ATRNL1: variants seen among roughly 807,000 people sequenced by gnomAD.
ATRNL1 encodes attractin-like protein 1.
A neutral mutation model predicts 182.7 loss-of-function variants in ATRNL1; 95 were observed. The ratio of observed to expected loss-of-function variants is 0.52; its 90% CI spans 0.44 to 0.62. The LOEUF is 0.62. ATRNL1 is among the 20% of genes least tolerant of loss of function. ATRNL1 has a pLI of 0.00. For synonymous variants in ATRNL1, 576 were observed against 568.3 expected (o/e 1.01, Z -0.19); for missense variants, 1,471 against 1,679.5 (o/e 0.88, Z 2.17).
chr10:115,250,580 G>A (rs1050186326), intron 10 of ATRNL1, among the ~76,000 whole-genome samples: 9 of 152,170 alleles, frequency 5.9e-5, no homozygotes, highest in South Asian at 2.1e-4. Flanking sequence ...ATGGGCTGAA[G>A]CAGCATTCCT....
At chr10:115,482,702 T>C (rs1049164682) in intron 24 of ATRNL1, among the ~76,000 whole-genome samples, 22 of 151,206 alleles carry the variant, frequency 1.5e-4, no homozygotes, top group Non-Finnish European at 2.1e-4. Flanking sequence ...ATTAGAGCTT[T>C]ATTTAAGAAT....
intron 13 of ATRNL1, among the ~76,000 whole-genome samples, chr10:115,280,614 C>T (rs1409564456): frequency 1.3e-5 from 2 of 152,064 alleles, no homozygotes; most frequent in African/African-American, 4.8e-5. Context: ...GGCTCAAGGC[C>T]CTGAAGTTTT....
chr10:115,813,347 T>C (rs1488960240), intron 27 of ATRNL1, among the ~76,000 whole-genome samples: 1 of 152,208 alleles, frequency 6.6e-6, no homozygotes, highest in Non-Finnish European at 1.5e-5. Flanking sequence ...TTTTGTTTCA[T>C]TGTTTCTTAG....
At chr10:115,794,691 T>A (rs1949609104) in intron 27 of ATRNL1, among the ~76,000 whole-genome samples, 1 of 152,184 alleles carries the variant, frequency 6.6e-6, no homozygotes, top group Admixed American at 6.5e-5. Context: ...TTTCATTGCA[T>A]CCTATTGGGA....
At chr10:115,399,633 T>G (rs2134297552) in intron 20 of ATRNL1, among the ~76,000 whole-genome samples, 1 of 152,112 alleles carries the variant, frequency 6.6e-6, no homozygotes, top group Non-Finnish European at 1.5e-5. Context: ...TGCATTGATC[T>G]TTTTATCTTT....
Position 115,501,921 on chromosome 10 carries a change from A to G in ATRNL1, c.3655-17342A>G, listed in dbSNP as rs375601828. On this transcript the variant is annotated intron_variant, in intron 24 of 28. Coordinates refer to ENST00000355044, the MANE Select transcript of ATRNL1 (RefSeq NM_207303.4). ...ATCAAAATCTTCAAAGTTATCAGAG[A>G]TTGCATTCAAGAGCACCTGTTAGAG... Among the ~76,000 whole-genome samples, 15 of 152,178 alleles carry G rather than the reference A, an allele frequency of 9.9e-5. No individual in the cohort carries two copies. In the East Asian group the frequency reaches 2.1e-3, roughly 22 times the overall value.
intron 20 of ATRNL1, among the ~76,000 whole-genome samples, chr10:115,415,444 A>G (rs1486620035): frequency 6.6e-6 from 1 of 151,640 alleles, no homozygotes; most frequent in Non-Finnish European, 1.5e-5. Flanking sequence ...TTTCAGTGAG[A>G]CATAAGTTGC....
chr10:115,399,172 GT>G (rs1435110921), intron 20 of ATRNL1, among the ~76,000 whole-genome samples: 3 of 151,988 alleles, frequency 2.0e-5, no homozygotes, highest in Admixed American at 6.6e-5. Flanking sequence ...TTCTTTTTTT[GT>G]TGTGTCTCTG....
intron 8 of ATRNL1, among the ~76,000 whole-genome samples, chr10:115,194,974 G>A (rs1293310940): frequency 1.3e-5 from 2 of 151,704 alleles, no homozygotes; most frequent in Non-Finnish European, 2.9e-5. Context: ...AAACAAATAA[G>A]CAAATAAAAA....
intron 21 of ATRNL1, among the ~76,000 whole-genome samples, chr10:115,438,041 A>G (rs1414673898): frequency 2.0e-5 from 3 of 152,008 alleles, no homozygotes; most frequent in Admixed American, 6.6e-5. Context: ...CTGAAACGCA[A>G]TATTAACTGA....
chr10:115,918,578 G>A (rs1293568838), intron 28 of ATRNL1, among the ~76,000 whole-genome samples: 1 of 152,148 alleles, frequency 6.6e-6, no homozygotes, highest in Non-Finnish European at 1.5e-5. Context: ...TCACCAATAA[G>A]TGTTTATATA....
At chr10:115,212,053 G>A (rs1849046836) in intron 8 of ATRNL1, among the ~76,000 whole-genome samples, 1 of 150,252 alleles carries the variant, frequency 6.7e-6, no homozygotes, top group East Asian at 2.0e-4. Context: ...AGATTCAGGG[G>A]GTGAATCTCA....
intron 1 of ATRNL1, among the ~76,000 whole-genome samples, chr10:115,110,190 AT>A (rs1554867543): frequency 1.3e-5 from 2 of 152,164 alleles, no homozygotes; most frequent in African/African-American, 4.8e-5. Context: ...TTTGACTTTT[AT>A]CCCTGGTATT....
chr10:115,484,552 G>T (rs1326905462), intron 24 of ATRNL1, among the ~76,000 whole-genome samples: 1 of 151,422 alleles, frequency 6.6e-6, no homozygotes, highest in African/African-American at 2.4e-5. Context: ...ATTTTTAAGG[G>T]TCATCTTATT....
chr10:115,823,403 A>G (rs914957119), intron 27 of ATRNL1, among the ~76,000 whole-genome samples: 2 of 152,224 alleles, frequency 1.3e-5, no homozygotes, highest in East Asian at 3.8e-4. Flanking sequence ...CTCCTATTCA[A>G]CATAGTATTG....
At chr10:115,688,715 T>A (rs539943858) in intron 26 of ATRNL1, among the ~76,000 whole-genome samples, 1 of 152,270 alleles carries the variant, frequency 6.6e-6, no homozygotes, top group Non-Finnish European at 1.5e-5. Flanking sequence ...TATATTAGTC[T>A]CCTGTCAGTT....
At chr10:115,523,186 G>A (rs1851039858) in intron 25 of ATRNL1, among the ~76,000 whole-genome samples, 1 of 152,076 alleles carries the variant, frequency 6.6e-6, no homozygotes, top group Admixed American at 6.6e-5. Context: ...CAATACCTGG[G>A]GCCATTTGAG....
intron 28 of ATRNL1, among the ~76,000 whole-genome samples, chr10:115,851,017 G>A (rs1215931808): frequency 6.6e-6 from 1 of 152,116 alleles, no homozygotes; most frequent in African/African-American, 2.4e-5. Flanking sequence ...TATTAAATTA[G>A]CGTTCATTAT....
chr10:115,917,551 C>T (rs1313152077), intron 28 of ATRNL1, among the ~76,000 whole-genome samples: 4 of 150,666 alleles, frequency 2.7e-5, no homozygotes, highest in Non-Finnish European at 4.4e-5. Flanking sequence ...TTAGACAAAG[C>T]GAGCAAAACG....
Sources: gnomAD v4.1 joint callset for allele counts (sites outside exome capture counted in the v4.1 genomes callset) on GRCh38, gnomAD v4.1.1 for gene constraint, MANE v1.5 for transcripts, NCBI Gene and HGNC (gene_info 2026-07-23, HGNC 2026-07-21) for gene names.